ANKRD36C: variants seen among roughly 807,000 people sequenced by gnomAD.
ANKRD36C encodes the protein ankyrin repeat domain-containing protein 36C.
A neutral mutation model predicts 276.4 loss-of-function variants in ANKRD36C; 61 were observed. That is an observed-to-expected ratio of 0.22 (90% CI 0.18 to 0.27). ANKRD36C has a LOEUF of 0.27. Among genes scored for constraint, ANKRD36C ranks in the 10% least tolerant of loss-of-function variants. The pLI is 1.00. For missense variants in ANKRD36C, 1,447 were observed against 2,032.3 expected (o/e 0.71, Z 5.54); for synonymous variants, 483 against 680.1 (o/e 0.71, Z 4.51).
chr2:95,930,971 C>T (rs192938801), intron 24 of ANKRD36C, among the ~76,000 whole-genome samples: 2 of 151,744 alleles, frequency 1.3e-5, no homozygotes, highest in Admixed American at 6.6e-5. Context: ...TGCCACAAGT[C>T]GCCTCATCAG....
intron 12 of ANKRD36C, among the ~76,000 whole-genome samples, chr2:95,957,877 T>C (rs1678367348): frequency 1.3e-5 from 2 of 152,178 alleles, no homozygotes; most frequent in Non-Finnish European, 2.9e-5. Context: ...TTTATCTCAT[T>C]TGACTAACTG....
At chr2:95,875,881 T>C in intron 59 of ANKRD36C, 1 of 285,034 alleles carries the variant, frequency 3.5e-6, no homozygotes, top group South Asian at 3.2e-5. Flanking sequence ...GTTTGTACAC[T>C]AATACCAAAG....
intron 44 of ANKRD36C, among the ~76,000 whole-genome samples, 185 bp from the exon 61 acceptor site, chr2:95,895,775 C>G (rs1273620246): frequency 6.6e-6 from 1 of 150,958 alleles, no homozygotes; most frequent in South Asian, 2.1e-4. Context: ...AACACAGGCT[C>G]CATGAAATAT....
chr2:95,851,596 T>C, intron 66 of ANKRD36C, 98 bp downstream of exon 86: 1 of 1,062,542 alleles, frequency 9.4e-7, no homozygotes, highest in African/African-American at 1.6e-5. Context: ...AAAAATCTAC[T>C]TTTGGCCCCA....
At chr2:95,983,086 T>C (rs1678951862) in intron 3 of ANKRD36C, among the ~76,000 whole-genome samples, 1 of 151,410 alleles carries the variant, frequency 6.6e-6, no homozygotes, top group Admixed American at 6.6e-5. Context: ...CATTCTCTTC[T>C]ATCGATGGTG....
intron 1 of ANKRD36C, among the ~76,000 whole-genome samples, chr2:95,988,039 C>T (rs1214582568): frequency 6.6e-6 from 1 of 151,646 alleles, no homozygotes; most frequent in Non-Finnish European, 1.5e-5. Flanking sequence ...TATAAAGTAA[C>T]GTGGCATCAC....
intron 22 of ANKRD36C, among the ~76,000 whole-genome samples, chr2:95,937,314 A>G (rs1231126339): frequency 6.7e-6 from 1 of 149,696 alleles, no homozygotes; most frequent in African/African-American, 2.5e-5. Context: ...AATGTCAGTC[A>G]TTTACGTGAA....
rs181435055 is a variant in ANKRD36C at position 95,921,756 on chromosome 2, C to G, written c.2172+26G>C. On this transcript the variant is annotated intron_variant, in intron 33 of 66. Coordinates refer to ENST00000456556, the Ensembl canonical transcript of ANKRD36C. Reference sequence around the variant, plus strand: ...TTCATAGACTATAGATTCACTAGTTCACAATATAAATGAAAGTTTAATTAC... The same window carrying G: ...TTCATAGACTATAGATTCACTAGTTGACAATATAAATGAAAGTTTAATTAC... 9 of 1,597,234 alleles carry G rather than the reference C, an allele frequency of 5.6e-6. No individual in the cohort carries two copies. The East Asian group carries it at 1.6e-4, about 28-fold the overall frequency.
chr2:95,850,608 G>A (rs1411966165), downstream of ANKRD36C, among the ~76,000 whole-genome samples: 4 of 152,232 alleles, frequency 2.6e-5, no homozygotes, highest in Non-Finnish European at 2.9e-5. Context: ...CGAAAGATAA[G>A]GCTGAATAAC....
chr2:95,961,238 T>G (rs76230287), intron 8 of ANKRD36C, among the ~76,000 whole-genome samples: 4 of 139,828 alleles, frequency 2.9e-5, no homozygotes, highest in South Asian at 2.4e-4. Context: ...TATAATATTC[T>G]TTATTTCTCA....
intron 40 of ANKRD36C, among the ~76,000 whole-genome samples, chr2:95,913,072 G>A (rs868222967): frequency 2.5e-4 from 38 of 149,134 alleles, no homozygotes; most frequent in African/African-American, 8.6e-4. Flanking sequence ...TTAGGCTTCC[G>A]AAAGTTTCTT....
chr2:95,956,492 A>C (rs995231876), intron 13 of ANKRD36C, among the ~76,000 whole-genome samples: 2 of 152,228 alleles, frequency 1.3e-5, no homozygotes, highest in African/African-American at 4.8e-5. Flanking sequence ...CTTAGGGGCA[A>C]ATGAAGTGAT....
intron 44 of ANKRD36C, among the ~76,000 whole-genome samples, chr2:95,892,853 G>A (rs1676415120): frequency 6.6e-6 from 1 of 151,268 alleles, no homozygotes; most frequent in African/African-American, 2.4e-5. Context: ...AACAAAACAT[G>A]TATCTCTGAT....
At chr2:95,961,400 A>C (rs1013114394) in intron 8 of ANKRD36C, among the ~76,000 whole-genome samples, 2 of 152,074 alleles carry the variant, frequency 1.3e-5, no homozygotes, top group African/African-American at 4.8e-5. Flanking sequence ...CTTATACAAA[A>C]TAAAGTTACT....
intron 6 of ANKRD36C, among the ~76,000 whole-genome samples, chr2:95,974,614 T>C (rs1247008174): frequency 2.0e-5 from 3 of 152,176 alleles, no homozygotes; most frequent in East Asian, 1.9e-4. Flanking sequence ...TGATGTTATA[T>C]AAAAGACGTC....
In ANKRD36C at chr2:95,983,278, C is replaced by T. The variant is rs534947920; in HGVS notation, c.487-916G>A. Reference sequence around the variant, plus strand: ...CTTTCACTGCTTATTATTAAATAGTCCATGGGTTTTCTCTAGTAATATTTT... The same window carrying T: ...CTTTCACTGCTTATTATTAAATAGTTCATGGGTTTTCTCTAGTAATATTTT... On this transcript the variant is annotated intron_variant, in intron 3 of 66. Transcript: ENST00000456556. 2.4e-4 allele frequency among the ~76,000 whole-genome samples: 36 copies of T among 151,790 alleles called. 1 individual carries two copies. Among genetic ancestry groups the T allele is most frequent in the Non-Finnish European group, 4.4e-4 (30 of 67,878 alleles).
intron 64 of ANKRD36C, chr2:95,852,725 G>T (rs532870940): frequency 6.6e-6 from 1 of 152,296 alleles, no homozygotes; most frequent in African/African-American, 2.4e-5. Context: ...TTATAGCAAA[G>T]CAACTTGCAC....
intron 13 of ANKRD36C, 102 bp downstream of exon 13, chr2:95,956,684 A>T: frequency 9.8e-7 from 1 of 1,020,082 alleles, no homozygotes; most frequent in Non-Finnish European, 1.4e-6. Context: ...TAAGCATGTA[A>T]TACGGTGTCT....
At chr2:95,943,533 A>T (rs1164357810) in intron 19 of ANKRD36C, among the ~76,000 whole-genome samples, 4 of 150,058 alleles carry the variant, frequency 2.7e-5, no homozygotes, top group African/African-American at 9.7e-5. Context: ...ATTTATGTAT[A>T]AATTAATTTT....
Sources: allele counts gnomAD v4.1 joint callset (sites outside exome capture counted in the v4.1 genomes callset), GRCh38; gene constraint gnomAD v4.1.1; transcripts MANE v1.5; gene names NCBI Gene and HGNC (gene_info 2026-07-23, HGNC 2026-07-21).